RPS6KA2: variants seen among roughly 807,000 people sequenced by gnomAD.
RPS6KA2 encodes ribosomal protein S6 kinase A2.
In RPS6KA2, 42 loss-of-function variants were observed where a neutral mutation model predicts 91.8. The ratio of observed to expected loss-of-function variants is 0.46; its 90% CI spans 0.36 to 0.59. RPS6KA2 has a LOEUF of 0.59. Ranked by LOEUF, RPS6KA2 falls within the 20% of genes least tolerant of loss-of-function variation. RPS6KA2 has a pLI of 0.00. For missense variants in RPS6KA2, 798 were observed against 978.5 expected (o/e 0.82, Z 2.46); for synonymous variants, 414 against 393.6 (o/e 1.05, Z -0.61).
chr6:166,608,290 A>G (rs977127983), intron 1 of RPS6KA2, among the ~76,000 whole-genome samples: 2 of 152,248 alleles, frequency 1.3e-5, no homozygotes, highest in South Asian at 2.1e-4. Context: ...GAGGGTAGAC[A>G]ACGCTTCTCT....
chr6:166,633,906 T>A (rs1432552222), intron 2 of RPS6KA2, among the ~76,000 whole-genome samples: 1 of 152,088 alleles, frequency 6.6e-6, no homozygotes, highest in African/African-American at 2.4e-5. Context: ...AACATGCAGC[T>A]GGCCCATGGG....
chr6:166,701,813 G>C (rs1289385784), intron 2 of RPS6KA2: 3 of 924,716 alleles, frequency 3.2e-6, no homozygotes, highest in African/African-American at 3.3e-5. Flanking sequence ...CTCTTCCTCA[G>C]CTTTGGCACA....
rs1401871559 is a variant in RPS6KA2 at position 166,647,980 on chromosome 6, TCACACACACGCACATG to T, written c.124-109212_124-109197del. 1.4e-4 allele frequency among the ~76,000 whole-genome samples: 9 copies of T among 62,518 alleles called. No individual in the cohort carries two copies. In the East Asian group the frequency reaches 3.6e-3, roughly 25 times the overall value. The allele number at this position is 62,518 out of a possible 152,430, so 41.0% of individuals were successfully genotyped here. Reference sequence around the variant, plus strand: ...CATGCTTACATACATACACACATGCTCACACACACGCACATGCTCACACACGCACATGCTTACACAC... The same window carrying T: ...CATGCTTACATACATACACACATGCTCTCACACACGCACATGCTTACACAC... On this transcript the variant is annotated intron_variant, in intron 2 of 21. Transcript: ENST00000503859.
intron 2 of RPS6KA2, among the ~76,000 whole-genome samples, chr6:166,796,407 G>A (rs137865280): frequency 0.011 from 1,701 of 152,234 alleles, 30 homozygotes; most frequent in African/African-American, 0.036. Flanking sequence ...TGGCCAACAT[G>A]ATAAAACCCT....
intron 2 of RPS6KA2, among the ~76,000 whole-genome samples, chr6:166,641,168 G>A (rs901181944): frequency 1.3e-5 from 2 of 152,122 alleles, no homozygotes; most frequent in Admixed American, 6.5e-5. Flanking sequence ...GCATGAGCTC[G>A]CAAACATAAA....
At chr6:166,535,574 C>T (rs531563057) in intron 2 of RPS6KA2, among the ~76,000 whole-genome samples, 121 of 152,302 alleles carry the variant, frequency 7.9e-4, no homozygotes, top group Non-Finnish European at 1.3e-3. Flanking sequence ...GGCACTTATG[C>T]GAATAGGGGA....
In RPS6KA2 at chr6:166,648,242, TCA is replaced by T. The variant is rs1187031983; in HGVS notation, c.124-109460_124-109459del. On this transcript the variant is annotated intron_variant, in intron 2 of 21. Transcript: ENST00000503859. This position sits in a 1 kb window ranked among gnomAD's most constrained non-coding sequence, Gnocchi z 4.8. ...CACGCACATGCGCACACACACACAT[TCA>T]CACAGGCACACACACTCATGTTCAT... Among the ~76,000 whole-genome samples, 2 of 147,066 alleles carry T rather than the reference TCA, an allele frequency of 1.4e-5. No individual in the cohort carries two copies. Among genetic ancestry groups the T allele is most frequent in the Non-Finnish European group, 3.0e-5 (2 of 66,630 alleles).
At chr6:166,689,008 T>C (rs1325152330) in intron 2 of RPS6KA2, among the ~76,000 whole-genome samples, 4 of 152,238 alleles carry the variant, frequency 2.6e-5, no homozygotes, top group African/African-American at 9.6e-5. Flanking sequence ...CTAACTTTAA[T>C]AGCATCCCCG....
chr6:166,716,792 G>C (rs1185322375), intron 2 of RPS6KA2, among the ~76,000 whole-genome samples: 1 of 152,228 alleles, frequency 6.6e-6, no homozygotes, highest in Non-Finnish European at 1.5e-5. Flanking sequence ...AAGTAAGGGT[G>C]ATCATTTATG....
chr6:166,473,009 G>A (rs765461932), intron 10 of RPS6KA2, among the ~76,000 whole-genome samples: 1 of 152,120 alleles, frequency 6.6e-6, no homozygotes, highest in Non-Finnish European at 1.5e-5. Context: ...ACTTCTTCTC[G>A]GTAGTAATAA....
chr6:166,494,239 C>A lies in RPS6KA2; in HGVS notation c.748-3498G>T, dbSNP rs1781703835. 6.6e-6 allele frequency among the ~76,000 whole-genome samples: 1 copy of A among 152,140 alleles called. No homozygotes were observed. Among genetic ancestry groups the A allele is most frequent in the African/African-American group, 2.4e-5 (1 of 41,426 alleles). On this transcript the variant is annotated intron_variant, in intron 8 of 20. Coordinates refer to ENST00000265678, the MANE Select transcript of RPS6KA2 (RefSeq NM_021135.6). This position sits in a 1 kb window ranked among gnomAD's most constrained non-coding sequence, Gnocchi z 5.1. ...AGGTCCCTGTGTGCACAGACACATG[C>A]CCTCTAATCCGAGCTGCTCTCGCTC...
rs1020348494 is a variant in RPS6KA2 at position 166,419,055 on chromosome 6, T to C, written c.1821-713A>G. On this transcript the variant is annotated intron_variant, in intron 18 of 20. Coordinates refer to ENST00000265678, the MANE Select transcript of RPS6KA2 (RefSeq NM_021135.6). The surrounding 1 kb of genome is among the most constrained non-coding windows in gnomAD (Gnocchi z 5.6). ...GCTACTGCAGTCCTCAGGGTGCGGC[T>C]TCAGGGCCTGATTTACTCTCCTTCT... 6.6e-6 allele frequency among the ~76,000 whole-genome samples: 1 copy of C among 152,238 alleles called. No homozygotes were observed. Among genetic ancestry groups the C allele is most frequent in the Non-Finnish European group, 1.5e-5 (1 of 68,044 alleles).
At chr6:166,628,990 G>T (rs181691542), upstream of RPS6KA2, among the ~76,000 whole-genome samples, 31 of 152,336 alleles carry the variant, frequency 2.0e-4, no homozygotes, top group African/African-American at 7.5e-4. Flanking sequence ...TGCTTTGCCT[G>T]CTTCCTTTAA....
rs372316544 is a variant in RPS6KA2, at chr6:166,707,014, A to G, written c.123+151186T>C. Among the ~76,000 whole-genome samples, 71 of 152,362 alleles carry G rather than the reference A, an allele frequency of 4.7e-4. No individual in the cohort carries two copies. The Middle Eastern group carries it at 0.014, about 29-fold the overall frequency. On this transcript the variant is annotated intron_variant, in intron 2 of 21. Coordinates refer to the RPS6KA2 transcript ENST00000503859. ...GGATAAGTTCAATTTAGGAGTGAAT[A>G]TTACTCAAAATAGAACAAAGTCCAA...
intron 2 of RPS6KA2, among the ~76,000 whole-genome samples, chr6:166,816,802 C>T (rs74440855): frequency 0.014 from 2,110 of 152,256 alleles, 18 homozygotes; most frequent in Non-Finnish European, 0.021. Context: ...GTTTACATTT[C>T]CTACACACTC....
At chr6:166,791,027 T>C (rs1483766653) in intron 2 of RPS6KA2, among the ~76,000 whole-genome samples, 3 of 152,156 alleles carry the variant, frequency 2.0e-5, no homozygotes, top group Non-Finnish European at 4.4e-5. Context: ...TAACTTTAAA[T>C]GTAAATGGGC....
chr6:166,433,431 G>A lies in RPS6KA2; in HGVS notation c.1333-941C>T, dbSNP rs965809894. Among the ~76,000 whole-genome samples the A allele has an allele frequency of 6.6e-6, 1 of 152,204 alleles. No individual in the cohort carries two copies. Among genetic ancestry groups the A allele is most frequent in the Non-Finnish European group, 1.5e-5 (1 of 68,038 alleles). ...AACAGGAAGTCGCTGTTGGTCCCTG[G>A]TGGCTAATCCCTCTGGAGGTGCCTA... On this transcript the variant is annotated intron_variant, in intron 14 of 20. Coordinates refer to ENST00000265678, the MANE Select transcript of RPS6KA2 (RefSeq NM_021135.6). The surrounding 1 kb of genome is among the most constrained non-coding windows in gnomAD (Gnocchi z 4.4).
At chr6:166,677,998 C>A (rs1046366026) in intron 2 of RPS6KA2, among the ~76,000 whole-genome samples, 2 of 152,174 alleles carry the variant, frequency 1.3e-5, no homozygotes, top group African/African-American at 4.8e-5. Flanking sequence ...ATATTAAAAT[C>A]ACTCCCAGAA....
At chr6:166,585,436 C>G (rs111527129) in intron 1 of RPS6KA2, among the ~76,000 whole-genome samples, 2,953 of 150,528 alleles carry the variant, frequency 0.02, 102 homozygotes, top group South Asian at 0.11. Context: ...TAATTGTGTG[C>G]AATTGTCCAG....
Sources: allele counts gnomAD v4.1 joint callset (sites outside exome capture counted in the v4.1 genomes callset), GRCh38; gene constraint gnomAD v4.1.1; non-coding constraint Gnocchi (gnomAD v3.1); transcripts MANE v1.5; gene names NCBI Gene and HGNC (gene_info 2026-07-23, HGNC 2026-07-21).